SYDE2: variants seen among roughly 807,000 people sequenced by gnomAD.
SYDE2 encodes synapse defective Rho GTPase homolog 2.
A neutral mutation model predicts 91.5 loss-of-function variants in SYDE2; 76 were observed. That is an observed-to-expected ratio of 0.83 (90% CI 0.69 to 1.01). SYDE2 has a LOEUF of 1.01. Ranked by LOEUF, SYDE2 falls within the 50% of genes least tolerant of loss-of-function variation. The probability of loss-of-function intolerance (pLI) is 0.00; values close to 1 mark genes in which losing one functional copy is unlikely to be tolerated. For missense variants in SYDE2, 1,364 were observed against 1,367.7 expected (o/e 1.00, Z 0.04); for synonymous variants, 513 against 506.4 (o/e 1.01, Z -0.18).
At chr1:85,186,667 A>T (rs1658153778) in intron 2 of SYDE2, among the ~76,000 whole-genome samples, 1 of 151,874 alleles carries the variant, frequency 6.6e-6, no homozygotes, top group East Asian at 1.9e-4. Context: ...CAAAACAGAG[A>T]TATAGATCAA....
At chr1:85,173,710 C>T (rs145259279) in intron 4 of SYDE2, among the ~76,000 whole-genome samples, 24 of 152,012 alleles carry the variant, frequency 1.6e-4, no homozygotes, top group African/African-American at 2.7e-4. Flanking sequence ...TAAAAAATTA[C>T]GAGGCATATA....
Position 85,163,445 on chromosome 1 carries a change from C to CTATATATATATATATA in SYDE2, c.3085+1065_3085+1080dup, listed in dbSNP as rs55977750. On this transcript the variant is annotated intron_variant, in intron 6 of 6. Transcript: ENST00000341460. ...ATCAAGCATTCTCTTGTACTTTAAT[C>CTATATATATATATATA]TATATATATATATATATATATATAT... Among the ~76,000 whole-genome samples, 116 of 87,602 alleles carry CTATATATATATATATA rather than the reference C, an allele frequency of 1.3e-3. 1 individual carries two copies. The highest frequency in any genetic ancestry group is 1.8e-3 in the Non-Finnish European group (74 of 42,212). 57.5% of individuals were successfully genotyped at this position (87,602 alleles called of 152,430 possible).
chr1:85,169,268 A>G (rs1441150820), intron 4 of SYDE2, 43 bp from the exon 5 acceptor site: 5 of 1,469,548 alleles, frequency 3.4e-6, no homozygotes, highest in East Asian at 2.3e-5. Context: ...TGGACTGCAG[A>G]GTGAAATAAA....
chr1:85,170,866 C>A (rs1157306128), intron 4 of SYDE2, among the ~76,000 whole-genome samples: 1 of 152,082 alleles, frequency 6.6e-6, no homozygotes, highest in East Asian at 1.9e-4. Flanking sequence ...TTTGTTTTTC[C>A]AAAACATGCT....
At position 85,190,663 on chromosome 1, in the gene SYDE2, G is replaced by C. The variant is rs1484254517; in HGVS notation, c.835C>G (p.Leu279Val). 2 of 1,613,822 alleles carry C rather than the reference G, an allele frequency of 1.2e-6. No individual in the cohort carries two copies. Among genetic ancestry groups the C allele is most frequent in the Admixed American group, 1.7e-5 (1 of 59,998 alleles). Residue 279 changes from leucine (L) to valine (V), a missense_variant, in exon 2 of 7, where the codon CTT (leucine) becomes GTT (valine). Leu to Val is a conservative substitution (Grantham distance 32, BLOSUM62 1). Transcript: ENST00000341460. ...TTCTTTGAAACAGTGATGCTGTTAA[G>C]TGGCTTATGACCTCTGAATTCAATA... ...DNIEFRGHKP[L>V]NSITVSKKRN...
intron 4 of SYDE2, 125 bp from the exon 5 acceptor site, chr1:85,169,350 C>T: frequency 1.6e-6 from 1 of 633,734 alleles, no homozygotes; most frequent in Non-Finnish European, 2.6e-6. Flanking sequence ...ATAAAGGCAA[C>T]AACATAAAAA....
chr1:85,159,715 C>T (rs901640335), intron 6 of SYDE2: 11 of 404,832 alleles, frequency 2.7e-5, no homozygotes, highest in African/African-American at 4.3e-5. Flanking sequence ...AAGTTCCGAC[C>T]CTTGTGGGCT....
In SYDE2 at chr1:85,157,951, A is replaced by G. The variant is rs1485549241; in HGVS notation, c.*799T>C. 2.0e-5 allele frequency: 3 copies of G among 152,196 alleles called. No homozygotes were observed. Among genetic ancestry groups the G allele is most frequent in the African/African-American group, 7.2e-5 (3 of 41,450 alleles). The allele number at this position is 152,196 out of a possible 1,614,324, so 9.4% of individuals were successfully genotyped here. A position where few individuals can be genotyped will look rare whatever the true frequency, so the allele number is the denominator to read the frequency against. ...TACAGAAAACATTAATACTTGTATA[A>G]TTTCACTTTTATTTATAAAAAGATT... is the stretch of plus-strand genomic sequence containing the variant. On this transcript the variant is annotated 3_prime_UTR_variant, in exon 7 of 7. Coordinates refer to ENST00000341460, the MANE Select transcript of SYDE2 (RefSeq NM_032184.2).
At chr1:85,160,868 G>T in intron 6 of SYDE2, 1 of 985,254 alleles carries the variant, frequency 1.0e-6, no homozygotes, top group African/African-American at 1.7e-5. Flanking sequence ...GTTGCCAGTC[G>T]CTTAGAGTTA....
chr1:85,172,644 C>T (rs1657542845), intron 4 of SYDE2, among the ~76,000 whole-genome samples: 1 of 152,084 alleles, frequency 6.6e-6, no homozygotes, highest in East Asian at 1.9e-4. Context: ...GAGATGGGAA[C>T]CAAATGAAGT....
At chr1:85,190,892 A>G (rs1413133396) in intron 1 of SYDE2, 140 bp from the exon 2 acceptor site, 5 of 548,142 alleles carry the variant, frequency 9.1e-6, no homozygotes, top group Non-Finnish European at 1.6e-5. Flanking sequence ...ATTGAACTAG[A>G]AAAAATTTGA....
rs1310214318 is a variant in SYDE2 at position 85,157,054 on chromosome 1, T to TA, written c.*1695dup. On this transcript the variant is annotated 3_prime_UTR_variant, in exon 7 of 7. Transcript: ENST00000341460. ...CTTCTGAATTGTTAACACAAAGTTT[T>TA]AAAAAATGAAAATTTCATATAAAAA... 3 of 152,034 alleles carry TA rather than the reference T, an allele frequency of 2.0e-5. No individual in the cohort carries two copies. Among genetic ancestry groups the TA allele is most frequent in the Non-Finnish European group, 4.4e-5 (3 of 67,936 alleles). 9.4% of individuals were successfully genotyped at this position (152,034 alleles called of 1,614,324 possible).
At chr1:85,188,515 G>A (rs2100683413) in intron 2 of SYDE2, among the ~76,000 whole-genome samples, 1 of 152,236 alleles carries the variant, frequency 6.6e-6, no homozygotes, top group East Asian at 1.9e-4. Flanking sequence ...CTGAGAAAAG[G>A]TTTTAAATGT....
At chr1:85,177,217 T>A (rs961527385) in intron 4 of SYDE2, among the ~76,000 whole-genome samples, 2 of 152,172 alleles carry the variant, frequency 1.3e-5, no homozygotes, top group Non-Finnish European at 2.9e-5. Context: ...TACACATATA[T>A]GCCAATGACT....
At position 85,157,456 on chromosome 1, in the gene SYDE2, A is replaced by G. The variant is rs1477333900; in HGVS notation, c.*1294T>C. On this transcript the variant is annotated 3_prime_UTR_variant, in exon 7 of 7. Transcript: ENST00000341460. ...ACAAATGGGGGTAATTATAAAGTCA[A>G]TGTTATAAATGTACTACTACAAATA... The G allele has an allele frequency of 6.6e-6, 1 of 152,162 alleles. No homozygotes were observed. Among genetic ancestry groups the G allele is most frequent in the Non-Finnish European group, 1.5e-5 (1 of 67,984 alleles). 9.4% of individuals were successfully genotyped at this position (152,162 alleles called of 1,614,324 possible). A position where few individuals can be genotyped will look rare whatever the true frequency, so the allele number is the denominator to read the frequency against.
intron 5 of SYDE2, among the ~76,000 whole-genome samples, chr1:85,165,182 T>C (rs817420): frequency 0.25 from 37,660 of 152,106 alleles, 6,129 homozygotes; most frequent in African/African-American, 0.46. Flanking sequence ...TGCAGTCAGC[T>C]GAGACTATAC....
intron 3 of SYDE2, among the ~76,000 whole-genome samples, chr1:85,178,522 A>G (rs1020572347): frequency 7.2e-5 from 11 of 152,168 alleles, no homozygotes; most frequent in African/African-American, 2.7e-4. Flanking sequence ...TAAGCAAAAC[A>G]CAATCCCTTC....
downstream of SYDE2, among the ~76,000 whole-genome samples, chr1:85,155,950 T>C (rs1376088983): frequency 2.0e-5 from 3 of 152,136 alleles, no homozygotes; most frequent in Admixed American, 6.6e-5. Flanking sequence ...TATGGAAATA[T>C]ATTTAAAGTC....
chr1:85,181,071 G>A (rs1158244098), intron 3 of SYDE2: 2 of 150,708 alleles, frequency 1.3e-5, no homozygotes, highest in African/African-American at 4.9e-5. Flanking sequence ...CAACCCCACT[G>A]GGGGGCCTGA....
Sources: gnomAD v4.1 joint callset for allele counts (sites outside exome capture counted in the v4.1 genomes callset) on GRCh38, gnomAD v4.1.1 for gene constraint, MANE v1.5 for transcripts, NCBI Gene and HGNC (gene_info 2026-07-23, HGNC 2026-07-21) for gene names.